GGA2: variants seen among roughly 807,000 people sequenced by gnomAD.
The protein encoded by GGA2 is ADP-ribosylation factor-binding protein GGA2.
Under a neutral mutation model 79.5 loss-of-function variants are expected in GGA2, and 48 were observed. The observed-to-expected ratio is 0.60, with a 90% confidence interval of 0.48 to 0.77. The LOEUF (loss-of-function observed/expected upper bound fraction) is 0.77, where lower values mean the gene tolerates loss of function less well. Among genes scored for constraint, GGA2 ranks in the 30% least tolerant of loss-of-function variants. The probability of loss-of-function intolerance (pLI) is 0.00; values close to 1 mark genes in which losing one functional copy is unlikely to be tolerated. For synonymous variants in GGA2, 317 were observed against 302.0 expected, an observed-to-expected ratio of 1.05 and a Z score of -0.51; for missense variants, 770 against 774.0, an observed-to-expected ratio of 0.99 and a Z score of 0.06.
chr16:23,498,888 A>C (rs1363798385), intron 1 of GGA2, among the ~76,000 whole-genome samples: 1 of 152,206 alleles, frequency 6.6e-6, no homozygotes, highest in Non-Finnish European at 1.5e-5. Flanking sequence ...GAATCACCTA[A>C]AGTCTACACC....
chr16:23,500,554 T>C (rs1331539047), intron 1 of GGA2, among the ~76,000 whole-genome samples: 4 of 152,286 alleles, frequency 2.6e-5, no homozygotes, highest in Non-Finnish European at 5.9e-5. Flanking sequence ...GGAGCTGTCC[T>C]GCAGTGCTGA....
chr16:23,467,387 A>ACAC lies in GGA2; in HGVS notation c.*202_*203insGTG. On this transcript the variant is annotated 3_prime_UTR_variant, in exon 17 of 17. Coordinates refer to ENST00000309859, the MANE Select transcript of GGA2 (RefSeq NM_015044.4). ...GCCCTGTGCTACCACCCTCTCCCCG[A>ACAC]ACACACACACACACACACACACACA... 3.1e-6 allele frequency: 1 copy of ACAC among 325,948 alleles called. No individual in the cohort carries two copies. The highest frequency in any genetic ancestry group is 5.4e-6 in the Non-Finnish European group (1 of 184,300). The allele number at this position is 325,948 out of a possible 1,614,324, so 20.2% of individuals were successfully genotyped here.
chr16:23,488,591 G>A lies in GGA2; in HGVS notation c.579+15C>T. 1.4e-5 allele frequency: 19 copies of A among 1,407,016 alleles called. No individual in the cohort carries two copies. The highest frequency in any genetic ancestry group is 1.8e-5 in the Non-Finnish European group (18 of 990,998). The allele number at this position is 1,407,016 out of a possible 1,614,324, so 87.2% of individuals were successfully genotyped here. A position where few individuals can be genotyped will look rare whatever the true frequency, so the allele number is the denominator to read the frequency against. ...AAAAGGTCTGATCAGACACCATGTA[G>A]GTCTGTTTCCTTACCTTGGACTTTT... On this transcript the variant is annotated intron_variant, in intron 6 of 16. Coordinates refer to ENST00000309859, the MANE Select transcript of GGA2 (RefSeq NM_015044.4).
intron 5 of GGA2, among the ~76,000 whole-genome samples, chr16:23,490,197 C>G (rs751376966): frequency 2.6e-5 from 4 of 152,186 alleles, no homozygotes; most frequent in Admixed American, 2.6e-4. Flanking sequence ...AGCCCCCAAC[C>G]TAAACATCAG....
chr16:23,467,173 C>G lies in GGA2; in HGVS notation c.*417G>C, dbSNP rs1358485597. Reference sequence around the variant, plus strand: ...GAACAGCAGCCTGGGAGCAACCAAGCCTTTCAAAGGCTGACAAGGCACAGA... The same window carrying G: ...GAACAGCAGCCTGGGAGCAACCAAGGCTTTCAAAGGCTGACAAGGCACAGA... On this transcript the variant is annotated 3_prime_UTR_variant, in exon 17 of 17. Coordinates refer to ENST00000309859, the MANE Select transcript of GGA2 (RefSeq NM_015044.4). 6.0e-6 allele frequency: 1 copy of G among 167,064 alleles called. No individual in the cohort carries two copies. The highest frequency in any genetic ancestry group is 1.3e-5 in the Non-Finnish European group (1 of 76,916). 10.3% of individuals were successfully genotyped at this position (167,064 alleles called of 1,614,324 possible). A position where few individuals can be genotyped will look rare whatever the true frequency, so the allele number is the denominator to read the frequency against.
chr16:23,483,028 T>G, intron 8 of GGA2, 24 bp from the exon 9 acceptor site: 1 of 1,530,830 alleles, frequency 6.5e-7, no homozygotes, highest in Non-Finnish European at 9.1e-7. Flanking sequence ...GCTTGGTTCA[T>G]GACACACGCC....
upstream of GGA2, among the ~76,000 whole-genome samples, chr16:23,512,460 C>T (rs1377473576): frequency 5.3e-5 from 8 of 152,134 alleles, no homozygotes; most frequent in South Asian, 4.1e-4. Flanking sequence ...ACCATAGGTA[C>T]GTATGCCATA....
At position 23,510,351 on chromosome 16, in the gene GGA2, C is replaced by A; in HGVS notation, c.61G>T (p.Gly21Cys). ...CACAGCTCCAGCGACGCTGCCGGGC[C>A]CGGGGGACCCTGGGCCGACTCGGTT... ...AGTESAQGPP[G>C]PAASLELWLN... The change falls in exon 1 of 17, where the codon GGC becomes TGC. Residue 21 changes from glycine to cysteine, a missense_variant. Transcript: ENST00000309859. The A allele has an allele frequency of 7.0e-7, 1 of 1,437,092 alleles. No individual in the cohort carries two copies. Among genetic ancestry groups the A allele is most frequent in the East Asian group, 3.1e-5 (1 of 32,428 alleles). The allele number at this position is 1,437,092 out of a possible 1,614,324, so 89.0% of individuals were successfully genotyped here. A position where few individuals can be genotyped will look rare whatever the true frequency, so the allele number is the denominator to read the frequency against.
At chr16:23,518,888 C>T (rs1965118633) in intron 2 of GGA2, among the ~76,000 whole-genome samples, 1 of 152,132 alleles carries the variant, frequency 6.6e-6, no homozygotes, top group Non-Finnish European at 1.5e-5. Context: ...GCCATAATCT[C>T]ATATTCTTTT....
intron 1 of GGA2, among the ~76,000 whole-genome samples, chr16:23,499,963 T>C (rs570017546): frequency 3.3e-5 from 5 of 152,308 alleles, no homozygotes; most frequent in East Asian, 3.9e-4. Context: ...CTGGGCCAGA[T>C]TGGTTCCTGG....
chr16:23,487,541 G>C (rs1195340847), intron 6 of GGA2, among the ~76,000 whole-genome samples: 1 of 152,136 alleles, frequency 6.6e-6, no homozygotes, highest in Non-Finnish European at 1.5e-5. Context: ...TGGTGATCTT[G>C]TTCATCCCTT....
chr16:23,487,307 G>C (rs1175051455), intron 6 of GGA2, among the ~76,000 whole-genome samples: 1 of 152,126 alleles, frequency 6.6e-6, no homozygotes, highest in Admixed American at 6.5e-5. Flanking sequence ...GGGGTAGGGG[G>C]ATGTGGGGGT....
chr16:23,496,039 C>T (rs552346242), intron 1 of GGA2, among the ~76,000 whole-genome samples: 19 of 152,110 alleles, frequency 1.2e-4, no homozygotes, highest in Non-Finnish European at 1.8e-4. Flanking sequence ...GTGGCTCATG[C>T]CTGTAATCCC....
chr16:23,523,007 C>G (rs924900166), upstream of GGA2: 1 of 152,158 alleles, frequency 6.6e-6, no homozygotes, highest in Non-Finnish European at 1.5e-5. Flanking sequence ...CCAAAGTAAG[C>G]GATCAAAGAA....
rs1010374678 is a variant in GGA2 at position 23,507,919 on chromosome 16, C to T, written c.91+2402G>A. Among the ~76,000 whole-genome samples, 14 of 152,186 alleles carry T rather than the reference C, an allele frequency of 9.2e-5. No homozygotes were observed. The East Asian group carries it at 1.5e-3, about 17-fold the overall frequency. On this transcript the variant is annotated intron_variant, in intron 1 of 16. Transcript: ENST00000309859. The stretch of plus-strand genomic sequence containing the variant: ...AAGCTGCAGTGAGCTGAGATCATGC[C>T]GCTGCACTCCAGCCTGGGTGACACA...
chr16:23,507,890 G>A (rs1964990916), intron 1 of GGA2, among the ~76,000 whole-genome samples: 1 of 151,994 alleles, frequency 6.6e-6, no homozygotes, highest in South Asian at 2.1e-4. Context: ...CCCAGGAGAG[G>A]GGTAAGCTGC....
At chr16:23,478,792 C>G (rs1399638326) in intron 12 of GGA2, 91 bp downstream of exon 12, 6 of 903,838 alleles carry the variant, frequency 6.6e-6, no homozygotes, top group African/African-American at 1.6e-5. Flanking sequence ...AGTGCAGGAG[C>G]ACCTCTCTGC....
intron 11 of GGA2, among the ~76,000 whole-genome samples, 163 bp downstream of exon 11, chr16:23,479,602 C>T (rs546382537): frequency 4.5e-4 from 69 of 151,966 alleles, no homozygotes; most frequent in African/African-American, 5.5e-4. Context: ...CATCCTGACT[C>T]CCTCAGCAGC....
chr16:23,478,376 C>A lies in GGA2; in HGVS notation c.1284G>T (p.Pro428=), dbSNP rs747030576. 1.3e-6 allele frequency: 2 copies of A among 1,593,742 alleles called. No homozygotes were observed. Among genetic ancestry groups the A allele is most frequent in the South Asian group, 1.1e-5 (1 of 88,102 alleles). The change falls in exon 13 of 17, where the codon CCG becomes CCT. Residue 428 remains proline (P), a synonymous_variant. Coordinates refer to ENST00000309859, the MANE Select transcript of GGA2 (RefSeq NM_015044.4). ...LLDLLSAQPA[P]CPLNYVSQKS... is the part of the protein sequence containing the mutation. The stretch of plus-strand genomic sequence containing the variant: ...TTGCCCAGAAGACTCACAGAGGGCA[C>A]GGAGCTGGCTGTGCTGAGAGGAGGT...
Sources: allele counts gnomAD v4.1 joint callset (sites outside exome capture counted in the v4.1 genomes callset), GRCh38; gene constraint gnomAD v4.1.1; transcripts MANE v1.5; gene names NCBI Gene and HGNC (gene_info 2026-07-23, HGNC 2026-07-21).